The following AHCYL2 variants were observed in gnomAD, a reference collection of about 807,000 sequenced individuals.
AHCYL2 encodes adenosylhomocysteinase like 2.
A neutral mutation model predicts 81.4 loss-of-function variants in AHCYL2; 28 were observed. That is an observed-to-expected ratio of 0.34 (90% CI 0.25 to 0.47). The LOEUF is 0.47. Ranked by LOEUF, AHCYL2 falls within the 20% of genes least tolerant of loss-of-function variation. The pLI, the probability that AHCYL2 is intolerant of heterozygous loss-of-function variation, is 1.00. For synonymous variants in AHCYL2, 272 were observed against 290.2 expected (o/e 0.94, Z 0.64); for missense variants, 551 against 785.1 (o/e 0.70, Z 3.56).
intron 1 of AHCYL2, among the ~76,000 whole-genome samples, chr7:129,328,141 C>T (rs1317631695): frequency 1.3e-5 from 2 of 151,938 alleles, no homozygotes; most frequent in African/African-American, 4.8e-5. Flanking sequence ...CACATTATTC[C>T]CTTTGGCTAG....
chr7:129,371,421 C>T (rs780667359), intron 1 of AHCYL2, among the ~76,000 whole-genome samples: 4 of 152,142 alleles, frequency 2.6e-5, no homozygotes, highest in Non-Finnish European at 5.9e-5. Context: ...GGAAATAAGC[C>T]GGGATGAAGC....
intron 1 of AHCYL2, among the ~76,000 whole-genome samples, chr7:129,260,762 A>G (rs1235570936): frequency 6.6e-6 from 1 of 152,038 alleles, no homozygotes; most frequent in Non-Finnish European, 1.5e-5. Flanking sequence ...AGTCAACTGA[A>G]CTCTCATCAA....
chr7:129,423,011 T>C (rs183905574), intron 13 of AHCYL2, 73 bp downstream of exon 13: 29 of 1,253,320 alleles, frequency 2.3e-5, no homozygotes, highest in Non-Finnish European at 2.7e-5. Flanking sequence ...CTCCTCCTCA[T>C]GTTCTCGAAT....
intron 1 of AHCYL2, among the ~76,000 whole-genome samples, chr7:129,316,131 G>A (rs1453885757): frequency 6.6e-6 from 1 of 152,164 alleles, no homozygotes. Context: ...CACGGCATAG[G>A]GAGTTGGCAA....
chr7:129,323,695 G>A (rs2150792446), intron 1 of AHCYL2, among the ~76,000 whole-genome samples: 1 of 152,096 alleles, frequency 6.6e-6, no homozygotes, highest in South Asian at 2.1e-4. Context: ...ATTCCTTTTG[G>A]CAGTTTTGTC....
chr7:129,313,544 A>G (rs1332936707), intron 1 of AHCYL2, among the ~76,000 whole-genome samples: 1 of 152,226 alleles, frequency 6.6e-6, no homozygotes, highest in East Asian at 1.9e-4. Context: ...TTCAGTGGAC[A>G]GCCAGACAGA....
chr7:129,241,486 G>C (rs1794852106), intron 1 of AHCYL2, among the ~76,000 whole-genome samples: 1 of 152,124 alleles, frequency 6.6e-6, no homozygotes, highest in Non-Finnish European at 1.5e-5. Flanking sequence ...AGCTACTCGG[G>C]AGGCTGAGGC....
intron 1 of AHCYL2, among the ~76,000 whole-genome samples, chr7:129,238,304 T>C (rs1794710989): frequency 6.6e-6 from 1 of 152,222 alleles, no homozygotes; most frequent in African/African-American, 2.4e-5. Context: ...GTCTTTCATT[T>C]CTGTAAGGGA....
intron 1 of AHCYL2, among the ~76,000 whole-genome samples, chr7:129,302,424 A>G (rs1212344349): frequency 6.6e-6 from 1 of 152,204 alleles, no homozygotes; most frequent in South Asian, 2.1e-4. Flanking sequence ...GAAAGTGGGC[A>G]TTGTTGTCAT....
intron 8 of AHCYL2, chr7:129,405,577 T>C: frequency 2.4e-6 from 1 of 413,600 alleles, no homozygotes; most frequent in Non-Finnish European, 4.2e-6. Context: ...AGAAAATATG[T>C]ATTTTATTTA....
chr7:129,400,393 G>A lies in AHCYL2; in HGVS notation c.918+9G>A, dbSNP rs370421807. 1.2e-6 allele frequency: 2 copies of A among 1,612,450 alleles called. No individual in the cohort carries two copies. The highest frequency in any genetic ancestry group is 2.7e-5 in the African/African-American group (2 of 74,992). ...GCTGGCAGCCAAACATGGTGGGTCA[G>A]ATTTCTGCTAACACAATTCTGTAGG... On this transcript the variant is annotated intron_variant, in intron 6 of 16. Transcript: ENST00000325006.
chr7:129,272,518 G>A (rs894929506), intron 1 of AHCYL2, among the ~76,000 whole-genome samples: 1 of 152,196 alleles, frequency 6.6e-6, no homozygotes, highest in African/African-American at 2.4e-5. Context: ...GGAATTTGGT[G>A]AGGGTTAAAG....
chr7:129,266,399 C>T (rs1795812728), intron 1 of AHCYL2, among the ~76,000 whole-genome samples: 1 of 152,108 alleles, frequency 6.6e-6, no homozygotes, highest in Non-Finnish European at 1.5e-5. Flanking sequence ...TGGTGGCTCA[C>T]GCCTGTAATC....
At chr7:129,360,541 G>T (rs1053452145) in intron 1 of AHCYL2, among the ~76,000 whole-genome samples, 3 of 152,246 alleles carry the variant, frequency 2.0e-5, no homozygotes, top group African/African-American at 7.2e-5. Flanking sequence ...TACCAGTGTG[G>T]AAAGAGACAA....
intron 1 of AHCYL2, among the ~76,000 whole-genome samples, chr7:129,330,470 ATT>A (rs34481793): frequency 1.8e-4 from 25 of 139,106 alleles, no homozygotes; most frequent in Non-Finnish European, 1.7e-4. Flanking sequence ...ACTCTGGTAC[ATT>A]TTTTTTTTTT....
chr7:129,376,754 G>A (rs1794707665), intron 1 of AHCYL2, among the ~76,000 whole-genome samples: 1 of 152,192 alleles, frequency 6.6e-6, no homozygotes, highest in Non-Finnish European at 1.5e-5. Context: ...GTTGTGTTGA[G>A]CATCTGAAAC....
chr7:129,417,086 G>A (rs1796893360), intron 12 of AHCYL2, among the ~76,000 whole-genome samples: 1 of 151,806 alleles, frequency 6.6e-6, no homozygotes, highest in Admixed American at 6.6e-5. Context: ...AATCGTGCCA[G>A]TGCGCACCAG....
intron 1 of AHCYL2, among the ~76,000 whole-genome samples, chr7:129,312,896 C>T (rs1410225138): frequency 2.0e-5 from 3 of 152,070 alleles, no homozygotes; most frequent in East Asian, 1.9e-4. Flanking sequence ...TAAACTTGAG[C>T]CCTACTTATT....
intron 1 of AHCYL2, among the ~76,000 whole-genome samples, chr7:129,355,324 A>G (rs1793700590): frequency 6.6e-6 from 1 of 152,216 alleles, no homozygotes; most frequent in Non-Finnish European, 1.5e-5. Flanking sequence ...TGTGTTACTG[A>G]GAAAATGTGT....
Sources: allele counts gnomAD v4.1 joint callset (sites outside exome capture counted in the v4.1 genomes callset), GRCh38; gene constraint gnomAD v4.1.1; transcripts MANE v1.5; gene names NCBI Gene and HGNC (gene_info 2026-07-23, HGNC 2026-07-21).